The following TBC1D14 variants were observed in gnomAD, a reference collection of about 807,000 sequenced individuals.
TBC1D14 encodes TBC1 domain family member 14.
A neutral mutation model predicts 79.0 loss-of-function variants in TBC1D14; 26 were observed. That is an observed-to-expected ratio of 0.33 (90% CI 0.24 to 0.46). TBC1D14 has a LOEUF of 0.46. Ranked by LOEUF, TBC1D14 falls within the 20% of genes least tolerant of loss-of-function variation. TBC1D14 has a pLI of 1.00. For synonymous variants in TBC1D14, 394 were observed against 349.9 expected, an observed-to-expected ratio of 1.13 and a Z score of -1.40; for missense variants, 769 against 887.6, an observed-to-expected ratio of 0.87 and a Z score of 1.70.
chr4:6,914,661 G>A (rs1428866376), intron 1 of TBC1D14, among the ~76,000 whole-genome samples: 1 of 152,184 alleles, frequency 6.6e-6, no homozygotes, highest in African/African-American at 2.4e-5. Flanking sequence ...TGTCATCTGC[G>A]CTTGGGGAGC....
At chr4:6,947,570 G>A (rs1436305024) in intron 2 of TBC1D14, among the ~76,000 whole-genome samples, 1 of 151,426 alleles carries the variant, frequency 6.6e-6, no homozygotes, top group Non-Finnish European at 1.5e-5. Context: ...GCTGAGGCAG[G>A]AGAATCCCTT....
intron 3 of TBC1D14, among the ~76,000 whole-genome samples, chr4:6,979,224 G>A (rs1287655697): frequency 3.9e-5 from 6 of 152,186 alleles, no homozygotes; most frequent in Non-Finnish European, 7.3e-5. Flanking sequence ...GAAAACAAAT[G>A]AGATGGTAGA....
chr4:6,968,242 G>A (rs1206979055), intron 3 of TBC1D14, among the ~76,000 whole-genome samples: 1 of 152,172 alleles, frequency 6.6e-6, no homozygotes, highest in Non-Finnish European at 1.5e-5. Flanking sequence ...ACCGGAGTTG[G>A]AAGGGACACA....
At chr4:7,021,087 C>T (rs538997784) in intron 12 of TBC1D14, among the ~76,000 whole-genome samples, 2 of 152,188 alleles carry the variant, frequency 1.3e-5, no homozygotes, top group East Asian at 3.8e-4. Context: ...CTGAACTGCC[C>T]TCGTCCTTAC....
intron 3 of TBC1D14, among the ~76,000 whole-genome samples, chr4:6,984,330 C>A (rs7686168): frequency 0.098 from 14,980 of 152,142 alleles, 1,244 homozygotes; most frequent in African/African-American, 0.22. Context: ...GGCTGGCATC[C>A]TGGCATCCCA....
At chr4:6,929,943 A>C (rs1227242462) in intron 2 of TBC1D14, among the ~76,000 whole-genome samples, 2 of 152,212 alleles carry the variant, frequency 1.3e-5, no homozygotes, top group Non-Finnish European at 2.9e-5. Flanking sequence ...CTGCGATTTG[A>C]ACATTCACTT....
rs573748754 is a variant in TBC1D14, at chr4:7,009,547, G to A, written c.1447-330G>A. 1.3e-4 allele frequency among the ~76,000 whole-genome samples: 20 copies of A among 152,290 alleles called. No individual in the cohort carries two copies. The South Asian group carries it at 2.3e-3, about 17-fold the overall frequency. The stretch of plus-strand genomic sequence containing the variant: ...TAGTCACCTGCTTTGAAGAGCCCCC[G>A]CATACCTGGCTCTCCTGGTGGGCTT... On this transcript the variant is annotated intron_variant, in intron 9 of 13. Transcript: ENST00000409757.
chr4:6,932,962 T>C (rs939830596), intron 2 of TBC1D14, among the ~76,000 whole-genome samples: 1 of 152,128 alleles, frequency 6.6e-6, no homozygotes, highest in African/African-American at 2.4e-5. Flanking sequence ...CAGTCTTGGC[T>C]AAGGAATTGT....
chr4:6,972,338 C>A (rs998087668), intron 3 of TBC1D14, among the ~76,000 whole-genome samples: 1 of 152,178 alleles, frequency 6.6e-6, no homozygotes, highest in Non-Finnish European at 1.5e-5. Context: ...TCTGAGGTCA[C>A]CTGTTTCAAG....
At chr4:6,918,464 T>A (rs1432959510) in intron 1 of TBC1D14, among the ~76,000 whole-genome samples, 1 of 152,232 alleles carries the variant, frequency 6.6e-6, no homozygotes, top group African/African-American at 2.4e-5. Context: ...GGGCACCTGC[T>A]GTGTGTCAGT....
At chr4:6,915,880 C>T (rs529580871) in intron 1 of TBC1D14, among the ~76,000 whole-genome samples, 15 of 151,552 alleles carry the variant, frequency 9.9e-5, no homozygotes, top group African/African-American at 3.2e-4. Context: ...TTTGGCAGGC[C>T]GAGGTGGGCA....
intron 2 of TBC1D14, among the ~76,000 whole-genome samples, chr4:6,951,396 G>A (rs906582466): frequency 3.9e-5 from 6 of 152,104 alleles, no homozygotes; most frequent in African/African-American, 9.7e-5. Flanking sequence ...TAATAGCTGG[G>A]TGTGGTAGCC....
intron 3 of TBC1D14, chr4:6,987,418 G>A (rs1402172219): frequency 1.5e-6 from 2 of 1,291,804 alleles, no homozygotes; most frequent in African/African-American, 3.1e-5. Context: ...GGCCTGTCCT[G>A]TCCTGGGCCT....
At chr4:6,963,167 C>T (rs1456027857) in intron 2 of TBC1D14, among the ~76,000 whole-genome samples, 5 of 152,264 alleles carry the variant, frequency 3.3e-5, no homozygotes, top group Admixed American at 2.0e-4. Context: ...AGGGCAAGTG[C>T]GAGGACTTCC....
intron 7 of TBC1D14, among the ~76,000 whole-genome samples, chr4:7,004,406 T>G (rs1560336638): frequency 6.6e-6 from 1 of 152,240 alleles, no homozygotes; most frequent in African/African-American, 2.4e-5. Context: ...ACCCAATGAT[T>G]CTCTGCTGGT....
rs1722954824 is a variant in TBC1D14, at chr4:7,030,559, A to C, written c.*167A>C. 6.1e-6 allele frequency: 4 copies of C among 656,430 alleles called. No individual in the cohort carries two copies. The highest frequency in any genetic ancestry group is 1.8e-5 in the African/African-American group (1 of 54,930). 40.7% of individuals were successfully genotyped at this position (656,430 alleles called of 1,614,324 possible). A position where few individuals can be genotyped will look rare whatever the true frequency, so the allele number is the denominator to read the frequency against. ...AAACAAACACAAAAACTTTTAAAGA[A>C]TTAAACCAAGGCTTAGCCTTAAGCA... On this transcript the variant is annotated 3_prime_UTR_variant, in exon 14 of 14. Transcript: ENST00000409757.
intron 2 of TBC1D14, among the ~76,000 whole-genome samples, chr4:6,948,255 C>CT (rs1248121057): frequency 6.6e-6 from 1 of 152,224 alleles, no homozygotes; most frequent in Non-Finnish European, 1.5e-5. Context: ...GGTTCCTTCC[C>CT]TGTCAGCATT....
intron 3 of TBC1D14, chr4:6,987,211 C>T (rs1717934933): frequency 8.1e-7 from 1 of 1,235,442 alleles, no homozygotes; most frequent in Non-Finnish European, 1.0e-6. Flanking sequence ...GGCCTGCCGC[C>T]CCGCCCCGCC....
At chr4:7,001,305 C>G in intron 7 of TBC1D14, 54 bp downstream of exon 7, 3 of 1,463,818 alleles carry the variant, frequency 2.0e-6, no homozygotes, top group South Asian at 2.3e-5. Context: ...TTGGCTTCTT[C>G]TCTCCCTTTT....
Sources: gnomAD v4.1 joint callset for allele counts (sites outside exome capture counted in the v4.1 genomes callset) on GRCh38, gnomAD v4.1.1 for gene constraint, MANE v1.5 for transcripts, NCBI Gene and HGNC (gene_info 2026-07-23, HGNC 2026-07-21) for gene names.